The following CHST11 variants were observed in gnomAD, a reference collection of about 807,000 sequenced individuals.
CHST11 encodes the protein C4S-1.
A neutral mutation model predicts 30.4 loss-of-function variants in CHST11; 9 were observed. The observed-to-expected ratio is 0.30, with a 90% CI of 0.18 to 0.52. The LOEUF (loss-of-function observed/expected upper bound fraction) is 0.52, where lower values mean the gene tolerates loss of function less well. Among genes scored for constraint, CHST11 ranks in the 20% least tolerant of loss-of-function variants. CHST11 has a pLI of 0.97. For synonymous variants in CHST11, 152 were observed against 187.8 expected, an observed-to-expected ratio of 0.81 and a Z score of 1.56; for missense variants, 348 against 460.6, an observed-to-expected ratio of 0.76 and a Z score of 2.24.
chr12:104,649,960 T>C (rs2694411), intron 2 of CHST11, among the ~76,000 whole-genome samples: 23,935 of 152,098 alleles, frequency 0.16, 1,999 homozygotes, highest in Non-Finnish European at 0.17. Flanking sequence ...CCCTGGCAGC[T>C]CTGGGCACCC....
chr12:104,657,530 AC>A (rs2039556876), intron 2 of CHST11, among the ~76,000 whole-genome samples: 1 of 151,770 alleles, frequency 6.6e-6, no homozygotes, highest in Non-Finnish European at 1.5e-5. Flanking sequence ...GAAAAAAAAA[AC>A]CCTCGAGATC....
At chr12:104,753,991 G>A (rs1249100607) in intron 2 of CHST11, among the ~76,000 whole-genome samples, 9 of 152,220 alleles carry the variant, frequency 5.9e-5, no homozygotes, top group Non-Finnish European at 8.8e-5. Flanking sequence ...AACTGGATCC[G>A]TGGTTCAGTA....
At chr12:104,474,858 T>A (rs909835248) in intron 1 of CHST11, among the ~76,000 whole-genome samples, 9 of 152,156 alleles carry the variant, frequency 5.9e-5, no homozygotes, top group African/African-American at 2.2e-4. Context: ...TTCAAACTAC[T>A]CCTCTAAGCC....
At chr12:104,739,003 C>T (rs1350727509) in intron 2 of CHST11, among the ~76,000 whole-genome samples, 4 of 152,214 alleles carry the variant, frequency 2.6e-5, no homozygotes, top group Non-Finnish European at 5.9e-5. Context: ...GGGAGGTAGA[C>T]AGCCTGCTGG....
intron 1 of CHST11, among the ~76,000 whole-genome samples, chr12:104,543,227 G>A (rs747550273): frequency 6.6e-6 from 1 of 152,174 alleles, no homozygotes; most frequent in Non-Finnish European, 1.5e-5. Context: ...AACTCACAGT[G>A]TGAGAACTCA....
At chr12:104,558,548 G>T (rs991406851) in intron 1 of CHST11, among the ~76,000 whole-genome samples, 1 of 52,760 alleles carries the variant, frequency 1.9e-5, no homozygotes, top group Admixed American at 1.8e-4. Context: ...TCCCCCCCCC[G>T]CCCCCCCGAG....
chr12:104,611,778 G>GC (rs1555236377), intron 2 of CHST11, among the ~76,000 whole-genome samples: 3 of 152,192 alleles, frequency 2.0e-5, no homozygotes, highest in Non-Finnish European at 4.4e-5. Context: ...TCCGGAAAGC[G>GC]TAAGTGTGAG....
chr12:104,483,140 A>G (rs932913699), intron 1 of CHST11, among the ~76,000 whole-genome samples: 1 of 151,960 alleles, frequency 6.6e-6, no homozygotes, highest in Non-Finnish European at 1.5e-5. Flanking sequence ...CACCCCATCC[A>G]TTCTCCACAC....
At chr12:104,563,819 G>A (rs756854049) in intron 1 of CHST11, among the ~76,000 whole-genome samples, 1 of 151,936 alleles carries the variant, frequency 6.6e-6, no homozygotes, top group Non-Finnish European at 1.5e-5. Context: ...GGGGTTGTAT[G>A]GTTCGGGAGG....
At chr12:104,609,869 A>G (rs957641349) in intron 2 of CHST11, among the ~76,000 whole-genome samples, 11 of 152,192 alleles carry the variant, frequency 7.2e-5, no homozygotes, top group Admixed American at 2.6e-4. Flanking sequence ...CATTTTGCAC[A>G]TGCACATTTG....
chr12:104,476,324 CAT>C (rs1013256511), intron 1 of CHST11, among the ~76,000 whole-genome samples: 8 of 150,524 alleles, frequency 5.3e-5, no homozygotes, highest in South Asian at 2.1e-4. Flanking sequence ...GTTATACACA[CAT>C]ATAATATATA....
At chr12:104,560,414 G>T (rs910483520) in intron 1 of CHST11, among the ~76,000 whole-genome samples, 4 of 152,126 alleles carry the variant, frequency 2.6e-5, no homozygotes, top group Admixed American at 1.3e-4. Flanking sequence ...TGAGCCATGG[G>T]GGGGTTCATG....
intron 1 of CHST11, among the ~76,000 whole-genome samples, chr12:104,556,036 G>A (rs560744662): frequency 6.6e-6 from 1 of 152,346 alleles, no homozygotes; most frequent in East Asian, 1.9e-4. Flanking sequence ...CACATTTTGG[G>A]GTCTCAGTGG....
At chr12:104,692,461 C>T (rs1380162191) in intron 2 of CHST11, among the ~76,000 whole-genome samples, 1 of 152,224 alleles carries the variant, frequency 6.6e-6, no homozygotes, top group Non-Finnish European at 1.5e-5. Flanking sequence ...TGAAGCCTTA[C>T]AAACCTCTGA....
intron 2 of CHST11, among the ~76,000 whole-genome samples, chr12:104,749,964 T>C (rs1433262313): frequency 6.6e-6 from 1 of 152,154 alleles, no homozygotes; most frequent in African/African-American, 2.4e-5. Context: ...GTGTTTTTAT[T>C]TTGGTGATAA....
chr12:104,602,999 G>C (rs1054732243), intron 2 of CHST11, among the ~76,000 whole-genome samples: 4 of 152,086 alleles, frequency 2.6e-5, no homozygotes, highest in Admixed American at 2.0e-4. Flanking sequence ...TGCATCATGG[G>C]TGGCCTAATT....
chr12:104,463,836 G>A (rs2037432303), intron 1 of CHST11, among the ~76,000 whole-genome samples: 1 of 152,138 alleles, frequency 6.6e-6, no homozygotes, highest in African/African-American at 2.4e-5. Flanking sequence ...CCTGAGGCAA[G>A]AACACGCATG....
chr12:104,711,927 A>G (rs2040092003), intron 2 of CHST11, among the ~76,000 whole-genome samples: 1 of 152,150 alleles, frequency 6.6e-6, no homozygotes, highest in Non-Finnish European at 1.5e-5. Context: ...GCCTCTGACC[A>G]CAGTTTAGCT....
At chr12:104,688,297 G>C (rs923595085) in intron 2 of CHST11, among the ~76,000 whole-genome samples, 1 of 151,998 alleles carries the variant, frequency 6.6e-6, no homozygotes, top group African/African-American at 2.4e-5. Flanking sequence ...AATGCTTTCC[G>C]TCTAGATTGA....
Sources: allele counts gnomAD v4.1 joint callset (sites outside exome capture counted in the v4.1 genomes callset), GRCh38; gene constraint gnomAD v4.1.1; transcripts MANE v1.5; gene names NCBI Gene and HGNC (gene_info 2026-07-23, HGNC 2026-07-21).